VPS13B: variants seen among roughly 807,000 people sequenced by gnomAD.
The protein encoded by VPS13B is vacuolar protein sorting 13 homolog B.
In VPS13B, 285 loss-of-function variants were observed where a neutral mutation model predicts 426.4. The observed-to-expected ratio is 0.67, with a 90% confidence interval of 0.61 to 0.74. VPS13B has a LOEUF of 0.74. Ranked by LOEUF, VPS13B falls within the 30% of genes least tolerant of loss-of-function variation. VPS13B has a pLI of 0.00. For missense variants in VPS13B, 4,537 were observed against 4,782.6 expected (o/e 0.95, Z 1.51); for synonymous variants, 1,676 against 1,676.4 (o/e 1.00, Z 0.01).
intron 33 of VPS13B, among the ~76,000 whole-genome samples, chr8:99,640,012 A>G (rs1489805829): frequency 8.2e-6 from 1 of 122,350 alleles, no homozygotes; most frequent in Non-Finnish European, 1.6e-5. Flanking sequence ...AATAATAATA[A>G]TAATAATAAT....
intron 52 of VPS13B, among the ~76,000 whole-genome samples, chr8:99,833,557 T>G (rs1354332227): frequency 6.6e-6 from 1 of 152,212 alleles, no homozygotes; most frequent in African/African-American, 2.4e-5. Context: ...GTTCACAGTA[T>G]TCACAAAATC....
At position 99,823,976 on chromosome 8, in the gene VPS13B, G is replaced by T. The variant is rs1814523509; in HGVS notation, c.9328G>T (p.Glu3110Ter). 1.9e-6 allele frequency: 3 copies of T among 1,611,776 alleles called. No homozygotes were observed. In the African/African-American group the frequency reaches 4.0e-5, roughly 22 times the overall value. Reference sequence around the variant, plus strand: ...TGTCTGCAATCCCCATTCTGGAAAGGAGGTAAGCAAATCATAACGATTCTT... The same window carrying T: ...TGTCTGCAATCCCCATTCTGGAAAGTAGGTAAGCAAATCATAACGATTCTT... The part of the protein sequence containing the change: ...LSVCNPHSGK[E>*]YFRVPDSATF... Residue 3110 changes from glutamate (E) to a stop codon, truncating the protein, a stop_gained and splice_region_variant, in exon 51 of 62, where the codon GAG (glutamate) becomes TAG (stop). Transcript: ENST00000357162. LOFTEE classifies it high-confidence loss of function.
chr8:99,341,686 T>C (rs1022073437), intron 19 of VPS13B: 54 of 357,044 alleles, frequency 1.5e-4, no homozygotes, highest in African/African-American at 4.3e-4. Flanking sequence ...CAGCTTCCGT[T>C]CCAACTATTA....
intron 44 of VPS13B, among the ~76,000 whole-genome samples, chr8:99,813,881 C>G (rs1156379047): frequency 6.6e-6 from 1 of 152,198 alleles, no homozygotes; most frequent in African/African-American, 2.4e-5. Context: ...TGCCTATGAT[C>G]CCAGCACTTT....
At chr8:99,317,975 G>GT (rs1177020037) in intron 19 of VPS13B, among the ~76,000 whole-genome samples, 3 of 152,006 alleles carry the variant, frequency 2.0e-5, no homozygotes, top group Non-Finnish European at 1.5e-5. Context: ...TTCCAACTGT[G>GT]TTTTTTTGGG....
At chr8:99,621,828 T>C (rs1261370262) in intron 33 of VPS13B, among the ~76,000 whole-genome samples, 1 of 135,076 alleles carries the variant, frequency 7.4e-6, no homozygotes, top group Non-Finnish European at 1.6e-5. Context: ...TTCTTTTTTT[T>C]TTTTTTTTTT....
intron 34 of VPS13B, among the ~76,000 whole-genome samples, chr8:99,658,668 C>G (rs984078014): frequency 6.6e-6 from 1 of 152,106 alleles, no homozygotes; most frequent in Non-Finnish European, 1.5e-5. Context: ...ACATTAATTT[C>G]CTAGGTCAAG....
chr8:99,223,142 A>G (rs937900155), intron 17 of VPS13B, among the ~76,000 whole-genome samples: 4 of 152,174 alleles, frequency 2.6e-5, no homozygotes, highest in African/African-American at 9.7e-5. Context: ...ATAGGAGACG[A>G]TTTTAATTAG....
chr8:99,233,940 C>T (rs1276358444), intron 17 of VPS13B: 2 of 792,696 alleles, frequency 2.5e-6, no homozygotes, highest in Non-Finnish European at 4.6e-6. Context: ...TCTGCAGCTC[C>T]AGAGTTCTCT....
chr8:99,424,765 A>G (rs570255038), intron 21 of VPS13B, among the ~76,000 whole-genome samples: 1 of 152,314 alleles, frequency 6.6e-6, no homozygotes, highest in Admixed American at 6.5e-5. Flanking sequence ...CAAAAAAATC[A>G]ATGAATCCAG....
At chr8:99,318,273 A>G (rs1358017557) in intron 19 of VPS13B, among the ~76,000 whole-genome samples, 1 of 152,182 alleles carries the variant, frequency 6.6e-6, no homozygotes, top group Admixed American at 6.5e-5. Flanking sequence ...ATGCTGTGCA[A>G]TTATTCTATA....
chr8:99,720,289 A>C, intron 37 of VPS13B, 56 bp from the exon 38 acceptor site: 1 of 1,336,066 alleles, frequency 7.5e-7, no homozygotes, highest in Non-Finnish European at 1.1e-6. Flanking sequence ...ATACCTAATT[A>C]GTCTCAAGAA....
At chr8:99,430,708 C>G (rs904686572) in intron 21 of VPS13B, among the ~76,000 whole-genome samples, 1 of 151,298 alleles carries the variant, frequency 6.6e-6, no homozygotes, top group Non-Finnish European at 1.5e-5. Flanking sequence ...ATCCACCCCC[C>G]CCCCAACTTT....
chr8:99,744,950 C>T (rs1321029395), intron 39 of VPS13B, among the ~76,000 whole-genome samples: 4 of 151,828 alleles, frequency 2.6e-5, no homozygotes, highest in East Asian at 1.9e-4. Flanking sequence ...TGCACATGTA[C>T]CCTAAAACTT....
chr8:99,854,226 C>T lies in VPS13B; in HGVS notation c.10837C>T (p.His3613Tyr), dbSNP rs1816436064. The T allele has an allele frequency of 6.2e-7, 1 of 1,614,092 alleles. No homozygotes were observed. ...GCAGCTTGTGCACGCCCTGGCAATG[C>T]ACTATGCCGCTGGGGCCCTTTTTAG... ...ARQLVHALAM[H>Y]YAAGALFRAG... Residue 3613 changes from histidine (H) to tyrosine (Y), a missense_variant, in exon 56 of 62, where the codon CAC becomes TAC. This residue lies in a region of VPS13B where 4,311 missense variants were observed against 4,474.3 expected (regional missense o/e 0.96). Coordinates refer to ENST00000357162, the MANE Select transcript of VPS13B (RefSeq NM_152564.5).
chr8:99,102,523 G>A (rs1846808704), intron 4 of VPS13B, among the ~76,000 whole-genome samples: 2 of 152,064 alleles, frequency 1.3e-5, no homozygotes, highest in South Asian at 2.1e-4. Context: ...TTTAAAAAGA[G>A]GCTTAAGCTT....
At chr8:99,445,204 A>T (rs1266888190) in intron 23 of VPS13B, among the ~76,000 whole-genome samples, 1 of 149,608 alleles carries the variant, frequency 6.7e-6, no homozygotes, top group Non-Finnish European at 1.5e-5. Flanking sequence ...TGTAATATGA[A>T]ATTTTTATAA....
At chr8:99,212,215 GTGAC>G (rs1350622427) in intron 17 of VPS13B, among the ~76,000 whole-genome samples, 3 of 152,316 alleles carry the variant, frequency 2.0e-5, no homozygotes, top group African/African-American at 4.8e-5. Flanking sequence ...TTTGATGGAA[GTGAC>G]TGACTAAATT....
intron 19 of VPS13B, among the ~76,000 whole-genome samples, chr8:99,317,026 G>A (rs1284416982): frequency 6.6e-6 from 1 of 152,210 alleles, no homozygotes; most frequent in Non-Finnish European, 1.5e-5. Flanking sequence ...ATAAGAAATG[G>A]TGTATGGCCT....
Sources: allele counts gnomAD v4.1 joint callset (sites outside exome capture counted in the v4.1 genomes callset), GRCh38; gene constraint gnomAD v4.1.1; regional missense constraint gnomAD v4.1.1; transcripts MANE v1.5; gene names NCBI Gene and HGNC (gene_info 2026-07-23, HGNC 2026-07-21).